The following PRMT7 variants were observed in gnomAD, a reference collection of about 807,000 sequenced individuals.
PRMT7 encodes protein arginine methyltransferase 7.
In PRMT7, 75 loss-of-function variants were observed where a neutral mutation model predicts 85.4. The observed-to-expected ratio is 0.88, with a 90% CI of 0.73 to 1.06. The LOEUF is 1.06. Among genes scored for constraint, PRMT7 ranks in the 50% least tolerant of loss-of-function variants. The pLI, the probability that PRMT7 is intolerant of heterozygous loss-of-function variation, is 0.00. For missense variants in PRMT7, 868 were observed against 915.2 expected (o/e 0.95, Z 0.67); for synonymous variants, 397 against 359.5 (o/e 1.10, Z -1.18).
At chr16:68,332,855 T>C (rs1268814172) in intron 6 of PRMT7, among the ~76,000 whole-genome samples, 3 of 152,192 alleles carry the variant, frequency 2.0e-5, no homozygotes, top group African/African-American at 7.2e-5. Context: ...GTTTCCCTTC[T>C]TAGGGAGCAA....
chr16:68,358,281 A>T lies in PRMT7; in HGVS notation c.*1057A>T, dbSNP rs1379805668. The T allele has an allele frequency of 6.5e-6, 1 of 152,674 alleles. No individual in the cohort carries two copies. The highest frequency in any genetic ancestry group is 1.5e-5 in the Non-Finnish European group (1 of 68,044). 9.5% of individuals were successfully genotyped at this position (152,674 alleles called of 1,614,324 possible). A position where few individuals can be genotyped will look rare whatever the true frequency, so the allele number is the denominator to read the frequency against. Reference sequence around the variant, plus strand: ...TCCCCTGCCCCCAGGCGTGCCCCTGAGGCCTGGCCCCAGCTTGTCGCTGAA... The same window carrying T: ...TCCCCTGCCCCCAGGCGTGCCCCTGTGGCCTGGCCCCAGCTTGTCGCTGAA... On this transcript the variant is annotated 3_prime_UTR_variant, in exon 19 of 19. Transcript: ENST00000441236.
rs751037036 is a variant in PRMT7, at chr16:68,339,837, C to T, written c.796C>T (p.Arg266Trp). The change falls in exon 9 of 19, where the codon CGG becomes TGG. Residue 266 changes from arginine to tryptophan, a missense_variant. By Grantham distance (101) the Arg-to-Trp change is moderately radical. Transcript: ENST00000441236. ...TAGCTCAGCAGCCTGCCATAGCAGG[C>T]GGTTTGAACCTCTGACATCTGGCCG... ...VSSSAACHSR[R>W]FEPLTSGRAQ... The T allele has an allele frequency of 1.8e-5, 29 of 1,613,940 alleles. No homozygotes were observed. The African/African-American group carries it at 2.7e-4, about 15-fold the overall frequency.
chr16:68,313,849 C>T (rs939873717), intron 2 of PRMT7, among the ~76,000 whole-genome samples: 2 of 152,100 alleles, frequency 1.3e-5, no homozygotes, highest in Admixed American at 6.6e-5. Flanking sequence ...GTAGGAGGAT[C>T]GCTTGAGTCC....
At chr16:68,334,617 G>C (rs1368969292) in intron 6 of PRMT7, among the ~76,000 whole-genome samples, 1 of 152,138 alleles carries the variant, frequency 6.6e-6, no homozygotes, top group Non-Finnish European at 1.5e-5. Flanking sequence ...CCAGGGAGCA[G>C]CGTGTGTTCA....
In PRMT7 at chr16:68,337,491, G is replaced by T. The variant is rs375561248; in HGVS notation, c.424G>T (p.Val142Phe). The change falls in exon 7 of 19, where the codon GTC (valine) becomes TTC (phenylalanine). Residue 142 changes from valine (V) to phenylalanine (F), a missense_variant. Coordinates refer to ENST00000441236, the MANE Select transcript of PRMT7 (RefSeq NM_019023.5). ...GDMPCRANIL[V>F]TELFDTELIG... ...CATGCCATGCCGTGCCAACATCCTG[G>T]TCACAGAGTTGTTTGACACAGAGCT... 6.2e-7 allele frequency: 1 copy of T among 1,612,270 alleles called. No individual in the cohort carries two copies. The highest frequency in any genetic ancestry group is 8.5e-7 in the Non-Finnish European group (1 of 1,179,160).
chr16:68,339,393 G>C lies in PRMT7; in HGVS notation c.576G>C (p.Ser192=). 2 of 1,614,202 alleles carry C rather than the reference G, an allele frequency of 1.2e-6. No individual in the cohort carries two copies. The highest frequency in any genetic ancestry group is 8.5e-7 in the Non-Finnish European group (1 of 1,180,042). ...TGGTGGAGTCCGGGAGGATGTGGTCGTGGAACAAGCTATTTCCCATCCACG... is the reference window on the plus strand; with the variant it reads ...TGGTGGAGTCCGGGAGGATGTGGTCCTGGAACAAGCTATTTCCCATCCACG... The part of the protein sequence containing the change: ...AQLVESGRMW[S]WNKLFPIHVQ... The change falls in exon 8 of 19, where the codon TCG becomes TCC. Residue 192 remains serine (S), a synonymous_variant. Transcript: ENST00000441236.
In PRMT7 at chr16:68,337,490, G is replaced by A. The variant is rs138764613; in HGVS notation, c.423G>A (p.Leu141=). Residue 141 remains leucine (L), a synonymous_variant, in exon 7 of 19, where the codon CTG becomes CTA. Transcript: ENST00000441236. ...EGDMPCRANI[L]VTELFDTELI... ...ACATGCCATGCCGTGCCAACATCCTGGTCACAGAGTTGTTTGACACAGAGC... is the reference window on the plus strand; with the variant it reads ...ACATGCCATGCCGTGCCAACATCCTAGTCACAGAGTTGTTTGACACAGAGC... 2.5e-6 allele frequency: 4 copies of A among 1,611,206 alleles called. No individual in the cohort carries two copies. In the Admixed American group the frequency reaches 5.1e-5, roughly 20 times the overall value.
At chr16:68,318,220 GAC>G (rs1251578527) in intron 3 of PRMT7, among the ~76,000 whole-genome samples, 1 of 131,650 alleles carries the variant, frequency 7.6e-6, no homozygotes, top group Non-Finnish European at 1.6e-5. Flanking sequence ...TTTTTTTTGA[GAC>G]AGAGTCTCGC....
At chr16:68,337,605 T>A in intron 7 of PRMT7, 34 bp downstream of exon 7, 1 of 1,465,402 alleles carries the variant, frequency 6.8e-7, no homozygotes, top group Non-Finnish European at 9.5e-7. Context: ...GACGTGTCTG[T>A]GGTCTCAGCC....
At position 68,356,694 on chromosome 16, in the gene PRMT7, T is replaced by C. The variant is rs2088594834; in HGVS notation, c.1812-7T>C. Reference sequence around the variant, plus strand: ...CTACTTCTGCTGGGCCCCCCTCTCCTTGACAGGCCCGGGCAGAGCCACGCA... The same window carrying C: ...CTACTTCTGCTGGGCCCCCCTCTCCCTGACAGGCCCGGGCAGAGCCACGCA... On this transcript the variant is annotated splice_polypyrimidine_tract_variant and splice_region_variant and intron_variant, in intron 17 of 18. Coordinates refer to ENST00000441236, the MANE Select transcript of PRMT7 (RefSeq NM_019023.5). 2 of 1,610,538 alleles carry C rather than the reference T, an allele frequency of 1.2e-6. No homozygotes were observed.
Position 68,311,073 on chromosome 16 carries a change from A to G in PRMT7, c.-245A>G, listed in dbSNP as rs1238222978. On this transcript the variant is annotated 5_prime_UTR_variant, in exon 1 of 19. Coordinates refer to ENST00000441236, the MANE Select transcript of PRMT7 (RefSeq NM_019023.5). ...GCCGCGGTAAAAGTGGTAGCAGCGG[A>G]GGCGAGCGGAGGGTTTCCCGCGGCG... is the stretch of plus-strand genomic sequence containing the variant. 5.2e-6 allele frequency: 4 copies of G among 774,098 alleles called. No individual in the cohort carries two copies. In the East Asian group the frequency reaches 1.1e-4, roughly 21 times the overall value. 48.0% of individuals were successfully genotyped at this position (774,098 alleles called of 1,614,324 possible). A position where few individuals can be genotyped will look rare whatever the true frequency, so the allele number is the denominator to read the frequency against.
intron 17 of PRMT7, 61 bp downstream of exon 17, chr16:68,355,944 C>A (rs1403875418): frequency 4.8e-6 from 7 of 1,453,054 alleles, no homozygotes; most frequent in Non-Finnish European, 9.1e-7. Flanking sequence ...GAGTTCTCAC[C>A]CCCGTGGTGA....
intron 5 of PRMT7, 137 bp downstream of exon 5, chr16:68,324,969 C>CTTG: frequency 8.8e-7 from 1 of 1,136,074 alleles, no homozygotes; most frequent in Non-Finnish European, 1.2e-6. Context: ...AGGCTCTGAG[C>CTTG]GTATAGAGAT....
At chr16:68,317,263 C>T (rs1482554305) in intron 3 of PRMT7, among the ~76,000 whole-genome samples, 1 of 143,524 alleles carries the variant, frequency 7.0e-6, no homozygotes, top group Non-Finnish European at 1.5e-5. Context: ...AAAATTACAG[C>T]ACAGTGAGAT....
At chr16:68,350,871 C>T (rs904507344) in intron 14 of PRMT7, among the ~76,000 whole-genome samples, 12 of 152,346 alleles carry the variant, frequency 7.9e-5, no homozygotes, top group Admixed American at 7.8e-4. Context: ...TTTTCGGGCT[C>T]ATCCATGTCG....
Position 68,346,980 on chromosome 16 carries a change from G to A in PRMT7, c.1192-231G>A, listed in dbSNP as rs541401705. Among the ~76,000 whole-genome samples, 71 of 92,848 alleles carry A rather than the reference G, an allele frequency of 7.6e-4. No homozygotes were observed. In the South Asian group the frequency reaches 0.015, roughly 20 times the overall value. The allele number at this position is 92,848 out of a possible 152,430, so 60.9% of individuals were successfully genotyped here. ...TGCAGGTGGTGCAGGCCTTCAGCGG[G>A]GCCTCTAGGCTGGGTTGAGGGGTGT... On this transcript the variant is annotated intron_variant, in intron 11 of 18. Coordinates refer to ENST00000441236, the MANE Select transcript of PRMT7 (RefSeq NM_019023.5).
intron 2 of PRMT7, among the ~76,000 whole-genome samples, chr16:68,313,154 C>T (rs1430081506): frequency 1.3e-5 from 2 of 152,124 alleles, no homozygotes; most frequent in Non-Finnish European, 2.9e-5. Flanking sequence ...ACACTGTGGT[C>T]CTGGTTTTAG....
intron 6 of PRMT7, among the ~76,000 whole-genome samples, chr16:68,331,253 A>C (rs1310266712): frequency 2.7e-5 from 4 of 148,770 alleles, no homozygotes; most frequent in African/African-American, 1.0e-4. Context: ...TGCTGGTAAG[A>C]TTCTTCCACA....
intron 11 of PRMT7, among the ~76,000 whole-genome samples, chr16:68,346,767 G>A (rs1473868903): frequency 2.6e-5 from 4 of 152,048 alleles, no homozygotes; most frequent in African/African-American, 4.8e-5. Context: ...AGGTGTGAAT[G>A]TGTGCATTTT....
Sources: allele counts gnomAD v4.1 joint callset (sites outside exome capture counted in the v4.1 genomes callset), GRCh38; gene constraint gnomAD v4.1.1; transcripts MANE v1.5; gene names NCBI Gene and HGNC (gene_info 2026-07-23, HGNC 2026-07-21).